Variants in CACNA2D3 observed in about 807,000 individuals in gnomAD.
CACNA2D3 encodes the protein calcium voltage-gated channel auxiliary subunit alpha2delta 3, also known as voltage-dependent calcium channel subunit alpha-2/delta-3.
In CACNA2D3, 60 loss-of-function variants were observed where a neutral mutation model predicts 160.6. That is an observed-to-expected ratio of 0.37 (90% CI 0.30 to 0.46). The LOEUF is 0.46. Ranked by LOEUF, CACNA2D3 falls within the 20% of genes least tolerant of loss-of-function variation. CACNA2D3 has a pLI of 1.00. For synonymous variants in CACNA2D3, 558 were observed against 492.9 expected (o/e 1.13, Z -1.75); for missense variants, 1,205 against 1,365.0 (o/e 0.88, Z 1.85).
intron 35 of CACNA2D3, among the ~76,000 whole-genome samples, chr3:55,041,196 T>G (rs1487731522): frequency 6.6e-6 from 1 of 152,188 alleles, no homozygotes; most frequent in Non-Finnish European, 1.5e-5. Context: ...ACATTCAGGT[T>G]ACTTCGAGCC....
At chr3:55,028,350 G>A (rs1236102410) in intron 35 of CACNA2D3, among the ~76,000 whole-genome samples, 1 of 152,174 alleles carries the variant, frequency 6.6e-6, no homozygotes, top group Non-Finnish European at 1.5e-5. Context: ...ATTTACATAA[G>A]AATGTCATTA....
chr3:54,680,767 G>T (rs1007125667), intron 11 of CACNA2D3, among the ~76,000 whole-genome samples: 6 of 152,170 alleles, frequency 3.9e-5, no homozygotes, highest in African/African-American at 1.4e-4. Context: ...ACCTTTGGAT[G>T]CTTGGGAGGT....
chr3:55,010,749 T>A (rs546435668), intron 34 of CACNA2D3, among the ~76,000 whole-genome samples: 31 of 152,314 alleles, frequency 2.0e-4, no homozygotes, highest in African/African-American at 7.5e-4. Flanking sequence ...TCCCTTAAGA[T>A]CCCAGTCTGT....
At chr3:54,459,714 T>C (rs573645223) in intron 4 of CACNA2D3, among the ~76,000 whole-genome samples, 24 of 152,106 alleles carry the variant, frequency 1.6e-4, no homozygotes, top group Admixed American at 5.9e-4. Context: ...TTCTCCCATT[T>C]TGTAGGTTGC....
chr3:54,767,081 G>A (rs1702239508), intron 13 of CACNA2D3, among the ~76,000 whole-genome samples: 1 of 151,788 alleles, frequency 6.6e-6, no homozygotes, highest in Non-Finnish European at 1.5e-5. Flanking sequence ...GTGGTGCAGG[G>A]CTTGGGGAGA....
intron 2 of CACNA2D3, among the ~76,000 whole-genome samples, chr3:54,296,476 G>T (rs967811380): frequency 9.2e-5 from 14 of 152,202 alleles, no homozygotes; most frequent in Non-Finnish European, 1.9e-4. Flanking sequence ...AAGGAGTTCT[G>T]CATTTCCCAG....
intron 11 of CACNA2D3, among the ~76,000 whole-genome samples, chr3:54,736,252 A>G (rs1273513067): frequency 6.6e-6 from 1 of 150,824 alleles, no homozygotes; most frequent in Non-Finnish European, 1.5e-5. Flanking sequence ...GTCATTAGCA[A>G]TCGGCTTTGC....
chr3:54,802,373 T>C (rs1385808479), intron 13 of CACNA2D3, among the ~76,000 whole-genome samples: 1 of 152,170 alleles, frequency 6.6e-6, no homozygotes, highest in East Asian at 1.9e-4. Context: ...AATATTATTA[T>C]AAAAACCAGA....
At chr3:54,945,376 G>C (rs1701587191) in intron 27 of CACNA2D3, among the ~76,000 whole-genome samples, 1 of 152,148 alleles carries the variant, frequency 6.6e-6, no homozygotes, top group African/African-American at 2.4e-5. Context: ...TGGCCAAGTA[G>C]GGCCACCCTG....
chr3:54,559,133 T>C (rs775070666), intron 5 of CACNA2D3, among the ~76,000 whole-genome samples: 2 of 152,176 alleles, frequency 1.3e-5, no homozygotes, highest in Non-Finnish European at 2.9e-5. Flanking sequence ...GGAATGTTGC[T>C]TAATGTGGCA....
intron 9 of CACNA2D3, among the ~76,000 whole-genome samples, chr3:54,613,724 T>A (rs539326703): frequency 1.2e-4 from 19 of 152,206 alleles, no homozygotes; most frequent in Non-Finnish European, 1.8e-4. Flanking sequence ...TCCAGGCTCA[T>A]GGTGCGCTGT....
intron 9 of CACNA2D3, 121 bp from the exon 10 acceptor site, chr3:54,627,666 A>T: frequency 1.5e-6 from 1 of 685,282 alleles, no homozygotes; most frequent in South Asian, 1.7e-5. Flanking sequence ...GGAAAAAGTA[A>T]ATTATGACCG....
chr3:55,004,504 C>T (rs1227369973), intron 31 of CACNA2D3, among the ~76,000 whole-genome samples: 2 of 152,204 alleles, frequency 1.3e-5, no homozygotes, highest in African/African-American at 2.4e-5. Context: ...ACTGTTTCGT[C>T]AAGTTAGATG....
At chr3:54,985,486 G>A (rs988107418) in intron 30 of CACNA2D3, among the ~76,000 whole-genome samples, 7 of 152,186 alleles carry the variant, frequency 4.6e-5, no homozygotes, top group Admixed American at 2.0e-4. Context: ...CATCACAGGA[G>A]GAAGGTGGTT....
chr3:54,865,554 G>C (rs1245635657), intron 17 of CACNA2D3, among the ~76,000 whole-genome samples: 1 of 152,242 alleles, frequency 6.6e-6, no homozygotes, highest in African/African-American at 2.4e-5. Context: ...AATCAAAGGG[G>C]AGGAGGCCCT....
intron 14 of CACNA2D3, among the ~76,000 whole-genome samples, chr3:54,830,640 A>G (rs541774172): frequency 4.6e-5 from 7 of 152,204 alleles, no homozygotes; most frequent in Non-Finnish European, 8.8e-5. Context: ...TTTTTAGTGC[A>G]GACGGGTTTT....
intron 35 of CACNA2D3, among the ~76,000 whole-genome samples, chr3:55,068,675 T>G (rs6775876): frequency 0.24 from 37,059 of 152,120 alleles, 4,810 homozygotes; most frequent in Admixed American, 0.4. Flanking sequence ...TGACAGTAAA[T>G]AGAGATCCTC....
At chr3:54,189,346 T>A (rs1280770016) in intron 2 of CACNA2D3, among the ~76,000 whole-genome samples, 1 of 152,154 alleles carries the variant, frequency 6.6e-6, no homozygotes, top group Non-Finnish European at 1.5e-5. Flanking sequence ...GCTTGGGTGT[T>A]CCATCCATTA....
At chr3:54,760,238 CTCTGA>C (rs57390516) in intron 12 of CACNA2D3, among the ~76,000 whole-genome samples, 152,187 of 152,198 alleles carry the variant, frequency 1, 76,088 homozygotes, top group Middle Eastern at 1. Flanking sequence ...GGGAGGGCCT[CTCTGA>C]TCTGAGCTGA....
Sources: allele counts gnomAD v4.1 joint callset (sites outside exome capture counted in the v4.1 genomes callset), GRCh38; gene constraint gnomAD v4.1.1; transcripts MANE v1.5; gene names NCBI Gene and HGNC (gene_info 2026-07-23, HGNC 2026-07-21).